Variants in RAPGEF3 observed in about 807,000 individuals in gnomAD.
The protein encoded by RAPGEF3 is Rap guanine nucleotide exchange factor 3, also known as 9330170P05Rik.
Under a neutral mutation model 129.8 loss-of-function variants are expected in RAPGEF3, and 103 were observed. The ratio of observed to expected loss-of-function variants is 0.79; its 90% CI spans 0.68 to 0.93. The LOEUF is 0.93. Ranked by LOEUF, RAPGEF3 falls within the 40% of genes least tolerant of loss-of-function variation. RAPGEF3 has a pLI of 0.00. For missense variants in RAPGEF3, 1,117 were observed against 1,207.4 expected (o/e 0.93, Z 1.11); for synonymous variants, 436 against 482.6 (o/e 0.90, Z 1.26).
intron 11 of RAPGEF3, 93 bp from the exon 12 acceptor site, chr12:47,748,635 C>G (rs757281): frequency 0.81 from 1,001,196 of 1,239,608 alleles, 406,220 homozygotes; most frequent in East Asian, 0.92. Flanking sequence ...CATTTTTCTC[C>G]ATTAGCCAGC....
chr12:47,757,807 T>C, intron 2 of RAPGEF3, 59 bp downstream of exon 2: 1 of 1,466,234 alleles, frequency 6.8e-7, no homozygotes. Flanking sequence ...AGCCATGATC[T>C]AGGCCCCCCT....
chr12:47,745,569 C>T (rs1941380247), intron 16 of RAPGEF3: 1 of 152,244 alleles, frequency 6.6e-6, no homozygotes, highest in Non-Finnish European at 1.5e-5. Flanking sequence ...CACCCTTGCC[C>T]CCTGCAGCTC....
At chr12:47,753,618 G>A (rs999775209) in intron 2 of RAPGEF3, among the ~76,000 whole-genome samples, 3 of 152,246 alleles carry the variant, frequency 2.0e-5, no homozygotes, top group Non-Finnish European at 4.4e-5. Context: ...GAGACTTAAC[G>A]ACAGGAAATG....
intron 24 of RAPGEF3, 79 bp from the exon 25 acceptor site, chr12:47,738,833 G>T: frequency 1.6e-6 from 2 of 1,268,806 alleles, no homozygotes; most frequent in South Asian, 1.2e-5. Context: ...GGGCATAACG[G>T]CTCCCTTGGG....
chr12:47,753,475 C>T (rs1259230356), intron 2 of RAPGEF3, among the ~76,000 whole-genome samples: 3 of 152,254 alleles, frequency 2.0e-5, no homozygotes, highest in East Asian at 3.8e-4. Context: ...CTTGGCACTG[C>T]GTGCCCAAGC....
chr12:47,748,995 C>G, intron 10 of RAPGEF3, 64 bp from the exon 11 acceptor site: 2 of 1,323,038 alleles, frequency 1.5e-6, no homozygotes, highest in South Asian at 2.4e-5. Context: ...CTCTCATCTA[C>G]CTCCTTCATT....
chr12:47,745,295 G>A (rs564964960), intron 16 of RAPGEF3: 1 of 152,488 alleles, frequency 6.6e-6, no homozygotes, highest in African/African-American at 2.4e-5. Flanking sequence ...GACTTCAGTG[G>A]CGTCCATTGT....
chr12:47,740,119 C>T (rs1487547825), intron 23 of RAPGEF3, 22 bp downstream of exon 23: 2 of 1,609,452 alleles, frequency 1.2e-6, no homozygotes, highest in Admixed American at 1.7e-5. Context: ...CAGAGCCAGG[C>T]CGGGCAGGGT....
intron 16 of RAPGEF3, chr12:47,744,998 C>T (rs1470685738): frequency 2.6e-5 from 4 of 152,528 alleles, no homozygotes; most frequent in Non-Finnish European, 5.9e-5. Context: ...CCCATCGGAT[C>T]CTTGCATCCT....
chr12:47,740,678 G>T lies in RAPGEF3; in HGVS notation c.2195C>A (p.Ala732Asp). The T allele has an allele frequency of 6.2e-7, 1 of 1,613,810 alleles. No homozygotes were observed. The highest frequency in any genetic ancestry group is 8.5e-7 in the Non-Finnish European group (1 of 1,179,942). ...LCLCPVPGPR[A>D]QLLRKFIKLA... ...CTTAATGAACTTCCTGAGCAGCTGG[G>T]CCCGGGGGCCGGGCACGGGGCAGAG... The change falls in exon 21 of 28, where the codon GCC becomes GAC. Residue 732 changes from alanine to aspartate, a missense_variant. Coordinates refer to ENST00000449771, the MANE Select transcript of RAPGEF3 (RefSeq NM_001098531.4).
chr12:47,748,145 G>C lies in RAPGEF3; in HGVS notation c.1251C>G (p.Phe417Leu). The C allele has an allele frequency of 6.3e-7, 1 of 1,579,226 alleles. No homozygotes were observed. Among genetic ancestry groups the C allele is most frequent in the East Asian group, 2.3e-5 (1 of 43,430 alleles). The part of the protein sequence containing the change: ...DSSAHDPTET[F>L]LSDFLLTHRV... ...TGTGGGTCAGGAGGAAGTCGCTGAG[G>C]AATGTCTCTGTATGACAGGGTGAGG... The change falls in exon 13 of 28, where the codon TTC (phenylalanine) becomes TTG (leucine). Residue 417 changes from phenylalanine (F) to leucine (L), a missense_variant. Physicochemically the swap from Phe to Leu is conservative, Grantham distance 22. This residue lies in a region of RAPGEF3 where 643 missense variants were observed against 673.4 expected (regional missense o/e 0.95). Coordinates refer to ENST00000449771, the MANE Select transcript of RAPGEF3 (RefSeq NM_001098531.4).
chr12:47,758,204 A>G (rs770035818), intron 1 of RAPGEF3, 126 bp from the exon 2 acceptor site: 109 of 1,439,976 alleles, frequency 7.6e-5, no homozygotes, highest in Non-Finnish European at 9.5e-5. Context: ...AGGTGCTGCA[A>G]CCCTGCCAGG....
rs185217946 is a variant in RAPGEF3, at chr12:47,748,367, C to T, written c.1243+87G>A. 8.4e-5 allele frequency: 106 copies of T among 1,268,624 alleles called. 1 individual carries two copies. The East Asian group carries it at 1.9e-3, about 22-fold the overall frequency. The allele number at this position is 1,268,624 out of a possible 1,614,324, so 78.6% of individuals were successfully genotyped here. A position where few individuals can be genotyped will look rare whatever the true frequency, so the allele number is the denominator to read the frequency against. On this transcript the variant is annotated intron_variant, in intron 12 of 27. Coordinates refer to ENST00000449771, the MANE Select transcript of RAPGEF3 (RefSeq NM_001098531.4). Reference sequence around the variant, plus strand: ...TACAGACCAATCCAGCATTCGGTGACGTCAGATGCAGGGTACCTGGCTCTC... The same window carrying T: ...TACAGACCAATCCAGCATTCGGTGATGTCAGATGCAGGGTACCTGGCTCTC...
rs1941059376 is a variant in RAPGEF3, at chr12:47,740,204, G to A, written c.2323-13C>T. 24 of 1,613,852 alleles carry A rather than the reference G, an allele frequency of 1.5e-5. No homozygotes were observed. Among genetic ancestry groups the A allele is most frequent in the Non-Finnish European group, 1.9e-5 (23 of 1,179,910 alleles). On this transcript the variant is annotated splice_polypyrimidine_tract_variant and intron_variant, in intron 22 of 27. Transcript: ENST00000449771. ...TGTGAGGCAGCCGCTGTGAAAAGGA[G>A]GCAGATGAGCGGCTGCTCTGGGGGA...
chr12:47,737,325 C>T lies in RAPGEF3; in HGVS notation c.*242G>A, dbSNP rs1940836535. ...CACTCTCCACCCACTCCTGGGGCCTCTCTGTCCTCCCTTCCTTGGCCTTGG... is the reference window on the plus strand; with the variant it reads ...CACTCTCCACCCACTCCTGGGGCCTTTCTGTCCTCCCTTCCTTGGCCTTGG... On this transcript the variant is annotated 3_prime_UTR_variant, in exon 28 of 28. Coordinates refer to ENST00000449771, the MANE Select transcript of RAPGEF3 (RefSeq NM_001098531.4). 13 of 537,372 alleles carry T rather than the reference C, an allele frequency of 2.4e-5. No homozygotes were observed. The South Asian group carries it at 2.7e-4, about 11-fold the overall frequency. The allele number at this position is 537,372 out of a possible 1,614,324, so 33.3% of individuals were successfully genotyped here.
chr12:47,737,939 T>C (rs1361830598), intron 27 of RAPGEF3, 83 bp downstream of exon 27: 7 of 1,521,240 alleles, frequency 4.6e-6, no homozygotes, highest in Non-Finnish European at 6.4e-6. Flanking sequence ...GCCTGGCACA[T>C]GGCAAGTGCC....
At position 47,740,758 on chromosome 12, in the gene RAPGEF3, C is replaced by A; in HGVS notation, c.2115G>T (p.Glu705Asp). 1 of 1,614,092 alleles carries A rather than the reference C, an allele frequency of 6.2e-7. No individual in the cohort carries two copies. Reference protein sequence around the residue: ...HLRDVTTANLERFMRRFNELQ... With the variant: ...HLRDVTTANLDRFMRRFNELQ... Reference sequence around the variant, plus strand: ...GCTCATTGAAGCGGCGCATGAAGCGCTCCAGGTTGGCGGTGGTGACATCCC... The same window carrying A: ...GCTCATTGAAGCGGCGCATGAAGCGATCCAGGTTGGCGGTGGTGACATCCC... Residue 705 changes from glutamate (E) to aspartate (D), a missense_variant, in exon 21 of 28, where the codon GAG (glutamate) becomes GAT (aspartate). By Grantham distance (45) the Glu-to-Asp change is conservative (BLOSUM62 2). Transcript: ENST00000449771.
chr12:47,741,258 C>T (rs539531272), intron 19 of RAPGEF3: 109 of 707,126 alleles, frequency 1.5e-4, no homozygotes, highest in Middle Eastern at 1.2e-3. Flanking sequence ...CCTGGGGAAC[C>T]CCTAACTAGG....
Position 47,748,175 on chromosome 12 carries a change from G to A in RAPGEF3, c.1244-23C>T, listed in dbSNP as rs1490823456. 1.9e-6 allele frequency: 3 copies of A among 1,538,908 alleles called. No individual in the cohort carries two copies. In the Admixed American group the frequency reaches 5.7e-5, roughly 29 times the overall value. On this transcript the variant is annotated intron_variant, in intron 12 of 27. Transcript: ENST00000449771. ...TCTCTGTATGACAGGGTGAGGGGAT[G>A]GGAGGAGGCTTCAGAGGCCAAGTCT...
Sources: gnomAD v4.1 joint callset for allele counts (sites outside exome capture counted in the v4.1 genomes callset) on GRCh38, gnomAD v4.1.1 for gene constraint, gnomAD v4.1.1 regional missense constraint, MANE v1.5 for transcripts, NCBI Gene and HGNC (gene_info 2026-07-23, HGNC 2026-07-21) for gene names.